KCNIP4: variants seen among roughly 807,000 people sequenced by gnomAD.
KCNIP4 encodes Kv channel-interacting protein 4.
KCNIP4 carries 12 observed loss-of-function variants against 34.0 expected under a neutral mutation model. The ratio of observed to expected loss-of-function variants is 0.35; its 90% CI spans 0.23 to 0.57. The LOEUF (loss-of-function observed/expected upper bound fraction) is 0.57. Among genes scored for constraint, KCNIP4 ranks in the 20% least tolerant of loss-of-function variants. The pLI, the probability that KCNIP4 is intolerant of heterozygous loss-of-function variation, is 0.83. For synonymous variants in KCNIP4, 124 were observed against 102.2 expected (o/e 1.21, Z -1.29); for missense variants, 238 against 311.7 (o/e 0.76, Z 1.78).
chr4:21,501,543 T>G (rs556755223), intron 1 of KCNIP4, among the ~76,000 whole-genome samples: 49 of 152,192 alleles, frequency 3.2e-4, no homozygotes, highest in African/African-American at 1.2e-3. Context: ...TAGAAAAAAT[T>G]TTAAGAAATA....
intron 1 of KCNIP4, among the ~76,000 whole-genome samples, chr4:21,611,460 T>C (rs1270372535): frequency 1.3e-5 from 2 of 152,090 alleles, no homozygotes; most frequent in African/African-American, 4.8e-5. Flanking sequence ...TCTCCCTAGA[T>C]ACATGGGGAT....
rs558804849 is a variant in KCNIP4 at position 21,134,878 on chromosome 4, A to G, written c.62-252169T>C. Among the ~76,000 whole-genome samples the G allele has an allele frequency of 7.2e-5, 11 of 152,360 alleles. No homozygotes were observed. In the South Asian group the frequency reaches 2.3e-3, roughly 32 times the overall value. On this transcript the variant is annotated intron_variant, in intron 1 of 8. Transcript: ENST00000382152. ...ATAGCCTTCGGCCATAAACACAGCT[A>G]GGAAATGAGGGCAGAAACTACCATG... is the stretch of plus-strand genomic sequence containing the variant.
intron 1 of KCNIP4, among the ~76,000 whole-genome samples, chr4:21,798,404 C>CATACATATATAT (rs557219481): frequency 1.5e-5 from 2 of 129,642 alleles, no homozygotes; most frequent in South Asian, 2.5e-4. Context: ...CAAAAAAATA[C>CATACATATATAT]ATATATATAT....
At chr4:21,519,712 G>GTA (rs1305593505) in intron 1 of KCNIP4, among the ~76,000 whole-genome samples, 34 of 118,084 alleles carry the variant, frequency 2.9e-4, no homozygotes, top group African/African-American at 1.1e-3. Context: ...GTATGTATGT[G>GTA]TATATATACA....
chr4:21,222,530 G>C (rs999217173), intron 1 of KCNIP4, among the ~76,000 whole-genome samples: 4 of 151,838 alleles, frequency 2.6e-5, no homozygotes, highest in African/African-American at 9.7e-5. Context: ...AAAATACAGA[G>C]AAAAAAACAC....
chr4:21,415,798 A>T (rs781623997), intron 1 of KCNIP4, among the ~76,000 whole-genome samples: 2 of 152,190 alleles, frequency 1.3e-5, no homozygotes, highest in African/African-American at 2.4e-5. Context: ...ACACAAATGG[A>T]CACAAAACAA....
At chr4:21,786,842 TGCC>T (rs1719949005) in intron 1 of KCNIP4, among the ~76,000 whole-genome samples, 1 of 151,958 alleles carries the variant, frequency 6.6e-6, no homozygotes, top group South Asian at 2.1e-4. Context: ...TGGGATTACA[TGCC>T]TGAGCCACCG....
intron 1 of KCNIP4, among the ~76,000 whole-genome samples, chr4:21,451,881 A>T (rs536897740): frequency 1.3e-5 from 2 of 152,296 alleles, no homozygotes; most frequent in African/African-American, 4.8e-5. Context: ...AGGAAAAGGA[A>T]ACTAGAAGAG....
At chr4:21,036,746 A>C (rs2149772246) in intron 1 of KCNIP4, among the ~76,000 whole-genome samples, 1 of 152,270 alleles carries the variant, frequency 6.6e-6, no homozygotes, top group Non-Finnish European at 1.5e-5. Context: ...AAACAAACAA[A>C]CCTGCTATAT....
intron 1 of KCNIP4, among the ~76,000 whole-genome samples, chr4:21,920,408 T>A (rs1728874856): frequency 6.6e-6 from 1 of 152,174 alleles, no homozygotes; most frequent in Non-Finnish European, 1.5e-5. Flanking sequence ...AGATTATGAG[T>A]ACTCCAGAGA....
In KCNIP4 at chr4:21,115,992, T is replaced by C. The variant is rs143055674; in HGVS notation, c.62-233283A>G. On this transcript the variant is annotated intron_variant, in intron 1 of 8. Transcript: ENST00000382152. Reference sequence around the variant, plus strand: ...ATTTAGAACTACTGATAATAAACAGTGACAAACAGTGAAGGCGATGGTTTC... The same window carrying C: ...ATTTAGAACTACTGATAATAAACAGCGACAAACAGTGAAGGCGATGGTTTC... 7.8e-4 allele frequency among the ~76,000 whole-genome samples: 119 copies of C among 152,284 alleles called. No homozygotes were observed. In the East Asian group the frequency reaches 0.017, roughly 22 times the overall value.
At chr4:21,270,356 A>G (rs1762067223) in intron 1 of KCNIP4, among the ~76,000 whole-genome samples, 1 of 152,082 alleles carries the variant, frequency 6.6e-6, no homozygotes, top group African/African-American at 2.4e-5. Flanking sequence ...ACCCAGAAGT[A>G]TTGCTAATGT....
chr4:21,206,273 C>T lies in KCNIP4; in HGVS notation c.62-323564G>A, dbSNP rs1026508370. On this transcript the variant is annotated intron_variant, in intron 1 of 8. Transcript: ENST00000382152. ...ATTTGTTTTGTACTTACTTCTTTTA[C>T]GGAATGTCAGGATAATAAATTATTT... Among the ~76,000 whole-genome samples, 9 of 152,172 alleles carry T rather than the reference C, an allele frequency of 5.9e-5. No individual in the cohort carries two copies. In the South Asian group the frequency reaches 6.2e-4, roughly 11 times the overall value.
chr4:21,461,477 A>G (rs1729459914), intron 1 of KCNIP4, among the ~76,000 whole-genome samples: 1 of 151,926 alleles, frequency 6.6e-6, no homozygotes, highest in African/African-American at 2.4e-5. Flanking sequence ...TGTGTTTTAC[A>G]AAAGTATCAG....
chr4:20,935,788 A>C (rs552102936), intron 1 of KCNIP4, among the ~76,000 whole-genome samples: 30 of 152,128 alleles, frequency 2.0e-4, no homozygotes, highest in Non-Finnish European at 3.8e-4. Context: ...ATCCTGTACC[A>C]ACCAATAATC....
chr4:21,424,325 C>A (rs28633757), intron 1 of KCNIP4, among the ~76,000 whole-genome samples: 1 of 151,452 alleles, frequency 6.6e-6, no homozygotes. Flanking sequence ...GTAATCCCTG[C>A]AATTTGGGAG....
At chr4:21,576,080 A>G (rs991291584) in intron 1 of KCNIP4, among the ~76,000 whole-genome samples, 3 of 152,210 alleles carry the variant, frequency 2.0e-5, no homozygotes, top group Non-Finnish European at 4.4e-5. Flanking sequence ...TGTTGCTCAC[A>G]GGAGTTGGCC....
intron 1 of KCNIP4, among the ~76,000 whole-genome samples, chr4:20,910,699 G>A (rs750419136): frequency 6.6e-6 from 1 of 152,080 alleles, no homozygotes; most frequent in South Asian, 2.1e-4. Context: ...TCTTACCAAG[G>A]TTATCCATCC....
At chr4:20,866,376 T>C (rs1722876965) in intron 2 of KCNIP4, among the ~76,000 whole-genome samples, 1 of 152,072 alleles carries the variant, frequency 6.6e-6, no homozygotes, top group African/African-American at 2.4e-5. Flanking sequence ...TAAATGTGAT[T>C]CACTACGTAA....
Sources: allele counts gnomAD v4.1 joint callset (sites outside exome capture counted in the v4.1 genomes callset), GRCh38; gene constraint gnomAD v4.1.1; transcripts MANE v1.5; gene names NCBI Gene and HGNC (gene_info 2026-07-23, HGNC 2026-07-21).